The following SLC67A2 variants were observed in gnomAD, a reference collection of about 807,000 sequenced individuals.
SLC67A2 encodes the protein solute carrier family 67 member A2.
At chr2:102,714,997 A>T in the SLC67A2 span, among the ~76,000 whole-genome samples, 1 of 152,284 alleles carries the variant, frequency 6.6e-6, no homozygotes, top group Admixed American at 6.5e-5. Flanking sequence ...ACCCTTTGAA[A>T]TTCCTCAAAG....
chr2:102,718,904 A>T, the SLC67A2 span: 1 of 1,614,198 alleles, frequency 6.2e-7, no homozygotes, highest in Non-Finnish European at 8.5e-7. Context: ...CCGCACCCCA[A>T]AGCGCTCCTC....
chr2:102,733,261 A>T, the SLC67A2 span, among the ~76,000 whole-genome samples: 2 of 152,208 alleles, frequency 1.3e-5, no homozygotes, highest in East Asian at 3.9e-4. Flanking sequence ...TAGTGGGAGA[A>T]AAAACATTGC....
the SLC67A2 span, chr2:102,726,839 A>G: frequency 6.5e-7 from 1 of 1,538,606 alleles, no homozygotes; most frequent in East Asian, 2.3e-5. Context: ...AAAAAAAGTC[A>G]CTCACCTGCC....
chr2:102,715,243 C>T, the SLC67A2 span, among the ~76,000 whole-genome samples: 11 of 152,180 alleles, frequency 7.2e-5, no homozygotes, highest in African/African-American at 2.2e-4. Context: ...GGAATTCTTC[C>T]GTCATTCCCC....
At chr2:102,723,983 A>G in the SLC67A2 span, 1 of 1,273,480 alleles carries the variant, frequency 7.9e-7, no homozygotes, top group Non-Finnish European at 1.1e-6. Context: ...CCTGTGCTTA[A>G]CCTCTATCCC....
chr2:102,718,587 C>T, the SLC67A2 span: 4 of 1,613,160 alleles, frequency 2.5e-6, no homozygotes, highest in East Asian at 4.5e-5. Context: ...CGGCCCACTG[C>T]AGTCACAGAC....
the SLC67A2 span, among the ~76,000 whole-genome samples, chr2:102,726,628 A>G: frequency 2.0e-5 from 3 of 152,072 alleles, no homozygotes; most frequent in Non-Finnish European, 2.9e-5. Flanking sequence ...GCGCACGCAC[A>G]CACACACACA....
At chr2:102,723,377 G>A in the SLC67A2 span, among the ~76,000 whole-genome samples, 1 of 152,162 alleles carries the variant, frequency 6.6e-6, no homozygotes, top group Non-Finnish European at 1.5e-5. Context: ...GCTGAGGCAG[G>A]AGAATCGCTT....
the SLC67A2 span, among the ~76,000 whole-genome samples, chr2:102,732,912 T>A: frequency 6.6e-6 from 1 of 152,188 alleles, no homozygotes; most frequent in Admixed American, 6.5e-5. Flanking sequence ...AGAAAGTGAA[T>A]GGGCTTTGGG....
chr2:102,730,943 C>T, the SLC67A2 span: 1 of 1,208,782 alleles, frequency 8.3e-7, no homozygotes, highest in Non-Finnish European at 1.2e-6. Context: ...TGTTCTCATC[C>T]CAAATCTATC....
At chr2:102,735,676 C>T in the SLC67A2 span, among the ~76,000 whole-genome samples, 1 of 152,184 alleles carries the variant, frequency 6.6e-6, no homozygotes, top group African/African-American at 2.4e-5. Context: ...CCAACATCAG[C>T]TTACTTGTAA....
the SLC67A2 span, chr2:102,736,653 C>G: frequency 6.2e-7 from 1 of 1,613,992 alleles, no homozygotes; most frequent in Non-Finnish European, 8.5e-7. Context: ...CACCAAGAAG[C>G]CCACCAAGTA....
the SLC67A2 span, among the ~76,000 whole-genome samples, chr2:102,726,535 G>A: frequency 6.6e-6 from 1 of 152,066 alleles, no homozygotes; most frequent in Non-Finnish European, 1.5e-5. Context: ...ATTGTAATTA[G>A]CACTTTAGGT....
At chr2:102,726,820 A>AG in the SLC67A2 span, 2 of 1,469,892 alleles carry the variant, frequency 1.4e-6, no homozygotes, top group Non-Finnish European at 1.8e-6. Context: ...ACGTTTGAAA[A>AG]AAAAAAAAAA....
the SLC67A2 span, among the ~76,000 whole-genome samples, chr2:102,728,111 T>G: frequency 6.6e-6 from 1 of 151,998 alleles, no homozygotes; most frequent in Non-Finnish European, 1.5e-5. Context: ...CACACTGATG[T>G]TCTGGGTGAA....
chr2:102,719,727 A>T, the SLC67A2 span, among the ~76,000 whole-genome samples: 1 of 152,178 alleles, frequency 6.6e-6, no homozygotes, highest in Non-Finnish European at 1.5e-5. Context: ...AGGTTCAGAT[A>T]AGAAAAGAGG....
At chr2:102,715,415 C>T in the SLC67A2 span, among the ~76,000 whole-genome samples, 1 of 152,166 alleles carries the variant, frequency 6.6e-6, no homozygotes, top group Admixed American at 6.5e-5. Flanking sequence ...ATCAGTGATT[C>T]CAGCTCCTTC....
At chr2:102,732,107 CAA>C in the SLC67A2 span, 3 of 662,666 alleles carry the variant, frequency 4.5e-6, no homozygotes, top group Non-Finnish European at 8.5e-6. Context: ...TTATAGTGCT[CAA>C]ATCTCAAAAT....
chr2:102,716,514 T>C, the SLC67A2 span: 2 of 152,218 alleles, frequency 1.3e-5, no homozygotes, highest in Non-Finnish European at 2.9e-5. Flanking sequence ...AAGTTCACAA[T>C]TGTAAAACCT....
Sources: allele counts gnomAD v4.1 joint callset (sites outside exome capture counted in the v4.1 genomes callset), GRCh38; gene constraint gnomAD v4.1.1; transcripts MANE v1.5; gene names NCBI Gene and HGNC (gene_info 2026-07-23, HGNC 2026-07-21).